Variants in ACY1 observed in about 807,000 individuals in gnomAD.
ACY1 encodes the protein aminoacylase-1.
In ACY1, 38 loss-of-function variants were observed where a neutral mutation model predicts 53.3. That is an observed-to-expected ratio of 0.71 (90% CI 0.55 to 0.93). The LOEUF is 0.93. ACY1 is among the 40% of genes least tolerant of loss of function. The pLI is 0.00. For synonymous variants in ACY1, 177 were observed against 202.1 expected (o/e 0.88, Z 1.05); for missense variants, 484 against 540.9 (o/e 0.89, Z 1.04).
rs758355874 is a variant in ACY1 at position 51,989,009 on chromosome 3, G to T, written c.1161G>T (p.Gly387=). ...ERLHEAVFLR[G]VDIYTRLLPA... ...TGCATGAGGCTGTGTTCCTCCGTGG[G>T]GTGGACATATATACACGCCTGCTGC... The change falls in exon 15 of 15, where the codon GGG becomes GGT. Residue 387 remains glycine, a synonymous_variant. Coordinates refer to ENST00000636358, the MANE Select transcript of ACY1 (RefSeq NM_000666.3). 6.2e-7 allele frequency: 1 copy of T among 1,614,120 alleles called. No homozygotes were observed. The highest frequency in any genetic ancestry group is 8.5e-7 in the Non-Finnish European group (1 of 1,180,030).
chr3:51,988,459 C>G, intron 12 of ACY1, 65 bp from the exon 13 acceptor site: 1 of 1,477,854 alleles, frequency 6.8e-7, no homozygotes, highest in Non-Finnish European at 9.5e-7. Context: ...ACAGCCCACT[C>G]TATGGGAAAT....
chr3:51,986,265 G>C lies in ACY1; in HGVS notation c.370G>C (p.Ala124Pro), dbSNP rs1701051955. ...MKCVSIQYLE[A>P]VRRLKVEGHR... is the part of the protein sequence containing the mutation. ...CTTATGCCCCCTCAGGTACCTGGAA[G>C]CTGTGAGGAGGCTGAAGGTGGAGGG... Residue 124 changes from alanine (A) to proline (P), a missense_variant, in exon 6 of 15, where the codon GCT becomes CCT. Ala to Pro is a conservative substitution (Grantham distance 27). Transcript: ENST00000636358. 1 of 1,613,668 alleles carries C rather than the reference G, an allele frequency of 6.2e-7. No individual in the cohort carries two copies. Among genetic ancestry groups the C allele is most frequent in the African/African-American group, 1.3e-5 (1 of 74,844 alleles).
Position 51,987,597 on chromosome 3 carries a change from C to T in ACY1, c.894C>T (p.Gly298=), listed in dbSNP as rs773211477. ...EQLQSWCQAA[G]EGVTLEFAQK... is the part of the protein sequence containing the mutation. Reference sequence around the variant, plus strand: ...TGCAGAGCTGGTGCCAGGCAGCTGGCGAGGGGGTCACCCTAGAGTTTGCTC... The same window carrying T: ...TGCAGAGCTGGTGCCAGGCAGCTGGTGAGGGGGTCACCCTAGAGTTTGCTC... The change falls in exon 12 of 15, where the codon GGC becomes GGT. Residue 298 remains glycine (G), a synonymous_variant. Transcript: ENST00000636358. 5.8e-5 allele frequency: 94 copies of T among 1,613,890 alleles called. No individual in the cohort carries two copies. The Admixed American group carries it at 1.4e-3, about 23-fold the overall frequency.
Position 51,986,453 on chromosome 3 carries a change from G to C in ACY1, c.475G>C (p.Val159Leu). ...VGGHQGMELF[V>L]QRPEFHALRA... ...GGGTCACCAAGGCATGGAGCTGTTCGTGCAGCGGCCTGAGTTCCACGCCCT... is the reference window on the plus strand; with the variant it reads ...GGGTCACCAAGGCATGGAGCTGTTCCTGCAGCGGCCTGAGTTCCACGCCCT... Residue 159 changes from valine to leucine, a missense_variant, in exon 7 of 15, where the codon GTG (valine) becomes CTG (leucine). Transcript: ENST00000636358. The C allele has an allele frequency of 1.2e-6, 2 of 1,613,462 alleles. No homozygotes were observed. Among genetic ancestry groups the C allele is most frequent in the African/African-American group, 1.3e-5 (1 of 75,028 alleles).
rs1057055763 is a variant in ACY1, at chr3:51,986,327, G to T, written c.432G>T (p.Val144=). ...RFPRTIHMTF[V]PDEEVGGHQG... ...CCAGAACCATCCACATGACCTTTGTGCCTGGTAGGAGTGGCTCAGATACCT... is the reference window on the plus strand; with the variant it reads ...CCAGAACCATCCACATGACCTTTGTTCCTGGTAGGAGTGGCTCAGATACCT... The change falls in exon 6 of 15, where the codon GTG becomes GTT. Residue 144 remains valine (V), a synonymous_variant. Coordinates refer to ENST00000636358, the MANE Select transcript of ACY1 (RefSeq NM_000666.3). The T allele has an allele frequency of 1.2e-6, 2 of 1,610,462 alleles. No homozygotes were observed. Among genetic ancestry groups the T allele is most frequent in the African/African-American group, 2.7e-5 (2 of 73,630 alleles).
At chr3:51,985,149 G>T in intron 2 of ACY1, 58 bp from the exon 3 acceptor site, 1 of 1,560,490 alleles carries the variant, frequency 6.4e-7, no homozygotes, top group South Asian at 1.2e-5. Flanking sequence ...CGGGCTGCCT[G>T]GGCTGGTGGG....
At position 51,984,152 on chromosome 3, in the gene ACY1, G is replaced by A; in HGVS notation, c.88G>A (p.Asp30Asn). ...LRIRTVQPKPDYGAAVAFFEE... is the reference protein window; with the variant it reads ...LRIRTVQPKPNYGAAVAFFEE... ...TATCCGCACTGTCCAGCCCAAGCCTGACTATGGTGAGAAGACGGTGGTTCC... is the reference window on the plus strand; with the variant it reads ...TATCCGCACTGTCCAGCCCAAGCCTAACTATGGTGAGAAGACGGTGGTTCC... The change falls in exon 2 of 15, where the codon GAC becomes AAC. Residue 30 changes from aspartate (D) to asparagine (N), a missense_variant. Coordinates refer to ENST00000636358, the MANE Select transcript of ACY1 (RefSeq NM_000666.3). The A allele has an allele frequency of 6.2e-7, 1 of 1,613,916 alleles. No individual in the cohort carries two copies. The highest frequency in any genetic ancestry group is 8.5e-7 in the Non-Finnish European group (1 of 1,180,004).
chr3:51,986,164 C>A, intron 5 of ACY1, 91 bp from the exon 6 acceptor site: 1 of 1,377,354 alleles, frequency 7.3e-7, no homozygotes, highest in East Asian at 2.4e-5. Flanking sequence ...GGGTAAAGTC[C>A]AGGACACAGG....
At chr3:51,984,242 C>T in intron 2 of ACY1, 84 bp downstream of exon 2, 1 of 1,279,474 alleles carries the variant, frequency 7.8e-7, no homozygotes, top group Non-Finnish European at 1.1e-6. Flanking sequence ...CCCCTGTCAC[C>T]CAGCTGAGCC....
chr3:51,987,885 T>G (rs1300477139), intron 12 of ACY1: 1 of 458,774 alleles, frequency 2.2e-6, no homozygotes, highest in Non-Finnish European at 4.0e-6. Context: ...TGATATTACT[T>G]TTTTCTGAGA....
rs897548787 is a variant in ACY1 at position 51,988,941 on chromosome 3, A to G, written c.1093A>G (p.Met365Val). 6.2e-7 allele frequency: 1 copy of G among 1,614,086 alleles called. No homozygotes were observed. Among genetic ancestry groups the G allele is most frequent in the Non-Finnish European group, 8.5e-7 (1 of 1,180,000 alleles). Reference sequence around the variant, plus strand: ...GGTCCCAGCTCTAGGCTTCTCACCCATGAACCGCACACCTGTGCTGCTGCA... The same window carrying G: ...GGTCCCAGCTCTAGGCTTCTCACCCGTGAACCGCACACCTGTGCTGCTGCA... Reference protein sequence around the residue: ...VGVPALGFSPMNRTPVLLHDH... With the variant: ...VGVPALGFSPVNRTPVLLHDH... Residue 365 changes from methionine (M) to valine (V), a missense_variant, in exon 15 of 15, where the codon ATG (methionine) becomes GTG (valine). Met to Val is a conservative substitution (Grantham distance 21, BLOSUM62 1). Coordinates refer to ENST00000636358, the MANE Select transcript of ACY1 (RefSeq NM_000666.3).
At chr3:51,985,561 C>A in intron 4 of ACY1, 96 bp downstream of exon 4, 1 of 1,209,914 alleles carries the variant, frequency 8.3e-7, no homozygotes. Flanking sequence ...TGGTCCTGGC[C>A]CCAGTCCTGA....
intron 5 of ACY1, 70 bp from the exon 6 acceptor site, chr3:51,986,185 G>A: frequency 1.3e-6 from 2 of 1,520,738 alleles, no homozygotes; most frequent in Non-Finnish European, 1.8e-6. Context: ...ACTCCAGCCT[G>A]CTGGCCCTGC....
At chr3:51,985,524 C>T (rs1701026613) in intron 4 of ACY1, 59 bp downstream of exon 4, 12 of 1,536,524 alleles carry the variant, frequency 7.8e-6, no homozygotes, top group Non-Finnish European at 1.1e-5. Context: ...ATGATGCAGA[C>T]CCCAGGATTC....
At chr3:51,986,699 C>A (rs760071840) in intron 8 of ACY1, 38 bp downstream of exon 8, 1 of 1,610,236 alleles carries the variant, frequency 6.2e-7, no homozygotes, top group Admixed American at 1.7e-5. Flanking sequence ...ACTCTACAGG[C>A]GGGAGGCTAG....
rs778273193 is a variant in ACY1, at chr3:51,986,434, C to T, written c.456C>T (p.His152=). 2 of 1,612,104 alleles carry T rather than the reference C, an allele frequency of 1.2e-6. No homozygotes were observed. Among genetic ancestry groups the T allele is most frequent in the East Asian group, 4.5e-5 (2 of 44,814 alleles). ...TTACAGATGAGGAGGTTGGGGGTCACCAAGGCATGGAGCTGTTCGTGCAGC... is the reference window on the plus strand; with the variant it reads ...TTACAGATGAGGAGGTTGGGGGTCATCAAGGCATGGAGCTGTTCGTGCAGC... ...TFVPDEEVGG[H]QGMELFVQRP... is the part of the protein sequence containing the mutation. The change falls in exon 7 of 15, where the codon CAC becomes CAT. Residue 152 remains histidine, a synonymous_variant. Transcript: ENST00000636358.
chr3:51,984,736 G>C (rs554586640), intron 2 of ACY1: 2 of 256,044 alleles, frequency 7.8e-6, no homozygotes, highest in Non-Finnish European at 1.5e-5. Flanking sequence ...GATCGCTTGA[G>C]CCTGGGAGGT....
intron 4 of ACY1, 148 bp downstream of exon 4, chr3:51,985,613 A>AT: frequency 1.2e-6 from 1 of 824,900 alleles, no homozygotes; most frequent in South Asian, 1.6e-5. Flanking sequence ...CCACTCAAGC[A>AT]GCCTTCATCC....
At position 51,985,508 on chromosome 3, in the gene ACY1, A is replaced by C. The variant is rs772515725; in HGVS notation, c.264+43A>C. 1.9e-6 allele frequency: 3 copies of C among 1,584,826 alleles called. No individual in the cohort carries two copies. The Admixed American group carries it at 5.0e-5, about 26-fold the overall frequency. ...GAGGTGGGCAGTGCAGGCCTTGGGG[A>C]CAGACATGATGCAGACCCCAGGATT... On this transcript the variant is annotated intron_variant, in intron 4 of 14. Coordinates refer to ENST00000636358, the MANE Select transcript of ACY1 (RefSeq NM_000666.3).
Sources: gnomAD v4.1 joint callset for allele counts on GRCh38, gnomAD v4.1.1 for gene constraint, MANE v1.5 for transcripts, NCBI Gene and HGNC (gene_info 2026-07-23, HGNC 2026-07-21) for gene names.